Variants in TG observed in about 807,000 individuals in gnomAD.
The protein encoded by TG is thyroid hormones.
In TG, 270 loss-of-function variants were observed where a neutral mutation model predicts 324.7. The ratio of observed to expected loss-of-function variants is 0.83; its 90% confidence interval spans 0.75 to 0.92. TG has a LOEUF of 0.92. Among genes scored for constraint, TG ranks in the 40% least tolerant of loss-of-function variants. TG has a pLI of 0.00. For synonymous variants in TG, 1,401 were observed against 1,327.0 expected (o/e 1.06, Z -1.21); for missense variants, 3,591 against 3,456.4 (o/e 1.04, Z -0.98).
chr8:133,118,417 C>T (rs560683822), intron 45 of TG, among the ~76,000 whole-genome samples: 15 of 151,054 alleles, frequency 9.9e-5, no homozygotes, highest in South Asian at 2.1e-4. Context: ...CTCCACCTCC[C>T]GGATTCAAGC....
chr8:132,882,934 G>C lies in TG; in HGVS notation c.1010G>C (p.Trp337Ser). ...CAGTGCCAGACGGAAGGGCCCTGCT[G>C]GTGTGTGGACGCCCAGGGGAAGGAA... is the stretch of plus-strand genomic sequence containing the variant. ...AVQCQTEGPCWCVDAQGKEMH... is the reference protein window; with the variant it reads ...AVQCQTEGPCSCVDAQGKEMH... The change falls in exon 8 of 48, where the codon TGG becomes TCG. Residue 337 changes from tryptophan (W) to serine (S), a missense_variant. Physicochemically the swap from Trp to Ser is radical, Grantham distance 177. Coordinates refer to ENST00000220616, the MANE Select transcript of TG (RefSeq NM_003235.5). 1.9e-6 allele frequency: 3 copies of C among 1,614,204 alleles called. No homozygotes were observed. Among genetic ancestry groups the C allele is most frequent in the Non-Finnish European group, 2.5e-6 (3 of 1,180,036 alleles).
intron 43 of TG, among the ~76,000 whole-genome samples, chr8:133,103,419 T>A (rs1358366507): frequency 6.6e-6 from 1 of 152,170 alleles, no homozygotes; most frequent in Non-Finnish European, 1.5e-5. Flanking sequence ...CGCTTACACG[T>A]CACGTTGTCT....
rs564914956 is a variant in TG at position 133,103,369 on chromosome 8, C to T, written c.7572+6996C>T. On this transcript the variant is annotated intron_variant, in intron 43 of 47. Transcript: ENST00000220616. Reference sequence around the variant, plus strand: ...ATGCCCTTGCACACTGTAAACCCTCCACCCTGGAGCTATAGCCCCACATTA... The same window carrying T: ...ATGCCCTTGCACACTGTAAACCCTCTACCCTGGAGCTATAGCCCCACATTA... Among the ~76,000 whole-genome samples, 8 of 152,252 alleles carry T rather than the reference C, an allele frequency of 5.3e-5. No homozygotes were observed. In the East Asian group the frequency reaches 1.4e-3, roughly 26 times the overall value.
At chr8:132,907,334 C>A (rs2132337814) in intron 17 of TG, among the ~76,000 whole-genome samples, 1 of 152,302 alleles carries the variant, frequency 6.6e-6, no homozygotes, top group Admixed American at 6.5e-5. Context: ...ACTTCCAGGG[C>A]TAATGCCTGG....
intron 26 of TG, among the ~76,000 whole-genome samples, chr8:132,946,804 A>G (rs1483227348): frequency 6.6e-6 from 1 of 152,140 alleles, no homozygotes; most frequent in Non-Finnish European, 1.5e-5. Flanking sequence ...CTGGCAATGT[A>G]TGACCAGCAA....
chr8:132,971,051 AG>A (rs1174037334), intron 32 of TG, among the ~76,000 whole-genome samples: 1 of 152,188 alleles, frequency 6.6e-6, no homozygotes, highest in Admixed American at 6.5e-5. Flanking sequence ...GAAAGCTCTC[AG>A]GAGTCACGAA....
At chr8:132,993,724 G>A (rs1832607533) in intron 35 of TG, among the ~76,000 whole-genome samples, 1 of 152,138 alleles carries the variant, frequency 6.6e-6, no homozygotes, top group South Asian at 2.1e-4. Flanking sequence ...TTAGAAGATG[G>A]GGAAAATATA....
At chr8:133,125,100 C>T (rs1196941125) in intron 45 of TG, among the ~76,000 whole-genome samples, 1 of 152,184 alleles carries the variant, frequency 6.6e-6, no homozygotes, top group Non-Finnish European at 1.5e-5. Flanking sequence ...ATTGATTTGA[C>T]AGAGATTTAC....
At chr8:133,084,298 G>C (rs898366856) in intron 41 of TG, among the ~76,000 whole-genome samples, 1 of 152,068 alleles carries the variant, frequency 6.6e-6, no homozygotes, top group African/African-American at 2.4e-5. Flanking sequence ...CAAAGCTGCA[G>C]AAAAAAATGA....
chr8:133,118,775 C>T (rs56413243), intron 45 of TG, among the ~76,000 whole-genome samples: 4,004 of 152,170 alleles, frequency 0.026, 170 homozygotes, highest in African/African-American at 0.092. Context: ...TAGTGGCCCC[C>T]GAAAGATATC....
chr8:133,122,203 G>A, intron 45 of TG, among the ~76,000 whole-genome samples: 1 of 152,236 alleles, frequency 6.6e-6, no homozygotes, highest in Non-Finnish European at 1.5e-5. Flanking sequence ...CTGTGCACCT[G>A]GATTATAGAT....
intron 31 of TG, 38 bp downstream of exon 31, chr8:132,968,008 A>G: frequency 6.8e-6 from 11 of 1,607,588 alleles, no homozygotes; most frequent in Non-Finnish European, 9.3e-6. Flanking sequence ...CTGTATTTCC[A>G]ATGTTCTGCT....
intron 22 of TG, 55 bp downstream of exon 22, chr8:132,923,563 A>C: frequency 2.3e-4 from 352 of 1,560,782 alleles, no homozygotes; most frequent in Non-Finnish European, 2.9e-4. Context: ...GAGTAGTCTC[A>C]AGGGCTTTTT....
chr8:133,087,092 A>G (rs1846699639), intron 41 of TG, among the ~76,000 whole-genome samples: 1 of 147,644 alleles, frequency 6.8e-6, no homozygotes, highest in East Asian at 2.0e-4. Context: ...ACACACACAC[A>G]CACACACACA....
Position 133,040,078 on chromosome 8 carries a change from G to A in TG, c.7239+10055G>A, listed in dbSNP as rs777998009. 9 of 1,561,508 alleles carry A rather than the reference G, an allele frequency of 5.8e-6. No individual in the cohort carries two copies. In the South Asian group the frequency reaches 8.3e-5, roughly 14 times the overall value. On this transcript the variant is annotated intron_variant, in intron 41 of 47. Coordinates refer to ENST00000220616, the MANE Select transcript of TG (RefSeq NM_003235.5). ...AGGCCCTCACTGCTGGGGCAGCCGT[G>A]CTTTGTGTCAGGCAGGGCGTGGTGA...
chr8:132,896,871 G>A (rs1054285464), intron 11 of TG, among the ~76,000 whole-genome samples: 1 of 152,186 alleles, frequency 6.6e-6, no homozygotes, highest in African/African-American at 2.4e-5. Flanking sequence ...TATGTTGGTG[G>A]TGGGGAAAGC....
At chr8:133,077,073 G>A (rs1845004986) in intron 41 of TG, among the ~76,000 whole-genome samples, 1 of 152,194 alleles carries the variant, frequency 6.6e-6, no homozygotes, top group African/African-American at 2.4e-5. Context: ...GCCAGTCGTG[G>A]GGTGGATGGG....
intron 20 of TG, among the ~76,000 whole-genome samples, chr8:132,917,955 G>C (rs1408005269): frequency 6.7e-6 from 1 of 148,300 alleles, no homozygotes; most frequent in Non-Finnish European, 1.5e-5. Flanking sequence ...TTAAGGAAGG[G>C]TCTGAGGCTA....
At chr8:133,091,885 G>C (rs1461930846) in intron 41 of TG, among the ~76,000 whole-genome samples, 2 of 151,986 alleles carry the variant, frequency 1.3e-5, no homozygotes, top group Non-Finnish European at 1.5e-5. Flanking sequence ...GTGTGAGTGT[G>C]TCTCTATCTA....
Sources: allele counts gnomAD v4.1 joint callset (sites outside exome capture counted in the v4.1 genomes callset), GRCh38; gene constraint gnomAD v4.1.1; transcripts MANE v1.5; gene names NCBI Gene and HGNC (gene_info 2026-07-23, HGNC 2026-07-21).